PPFIA2: variants seen among roughly 807,000 people sequenced by gnomAD.
The protein encoded by PPFIA2 is liprin-alpha-2.
In PPFIA2, 46 loss-of-function variants were observed where a neutral mutation model predicts 175.5. The ratio of observed to expected loss-of-function variants is 0.26; its 90% CI spans 0.21 to 0.34. The LOEUF is 0.34. PPFIA2 is among the 10% of genes least tolerant of loss of function. PPFIA2 has a pLI of 1.00. For synonymous variants in PPFIA2, 568 were observed against 511.4 expected (o/e 1.11, Z -1.49); for missense variants, 1,179 against 1,506.1 (o/e 0.78, Z 3.60).
rs867121856 is a variant in PPFIA2 at position 81,642,717 on chromosome 12, T to A, written c.303+34074A>T. ...ACATACATGTATATGTATGTATGTA[T>A]TATATACATACATGTATATGTATGT... On this transcript the variant is annotated intron_variant, in intron 4 of 32. Transcript: ENST00000549396. Among the ~76,000 whole-genome samples, 138 of 89,974 alleles carry A rather than the reference T, an allele frequency of 1.5e-3. 44 individuals carry two copies. The highest frequency in any genetic ancestry group is 0.014 in the East Asian group (40 of 2,934). 59.0% of individuals were successfully genotyped at this position (89,974 alleles called of 152,430 possible). A position where few individuals can be genotyped will look rare whatever the true frequency, so the allele number is the denominator to read the frequency against.
At position 81,299,287 on chromosome 12, in the gene PPFIA2, T is replaced by G; in HGVS notation, c.2724+14A>C. On this transcript the variant is annotated intron_variant, in intron 23 of 32. Coordinates refer to ENST00000549396, the MANE Select transcript of PPFIA2 (RefSeq NM_003625.5). ...AGTGATTGATTCAAGGGCCTCCTAG[T>G]TTCATTCTCTTACCTCTAGCCATGC... 5.7e-6 allele frequency: 9 copies of G among 1,581,322 alleles called. No homozygotes were observed. Among genetic ancestry groups the G allele is most frequent in the Non-Finnish European group, 7.7e-6 (9 of 1,162,354 alleles).
chr12:81,598,217 A>C, intron 4 of PPFIA2: 1 of 1,363,622 alleles, frequency 7.3e-7, no homozygotes, highest in Non-Finnish European at 9.4e-7. Context: ...TCTTAGCTGA[A>C]AGATCATCAG....
At chr12:81,323,907 T>G (rs2054206397) in intron 22 of PPFIA2, among the ~76,000 whole-genome samples, 1 of 152,034 alleles carries the variant, frequency 6.6e-6, no homozygotes. Flanking sequence ...GGGAAATACT[T>G]TTGTGCTTTC....
intron 3 of PPFIA2, among the ~76,000 whole-genome samples, chr12:81,682,026 A>C (rs1939704819): frequency 6.6e-6 from 1 of 152,036 alleles, no homozygotes; most frequent in African/African-American, 2.4e-5. Flanking sequence ...ACATTATAAT[A>C]ATTGTCAATT....
intron 21 of PPFIA2, among the ~76,000 whole-genome samples, chr12:81,326,248 G>A (rs1318125338): frequency 1.3e-5 from 2 of 152,026 alleles, no homozygotes; most frequent in Admixed American, 1.3e-4. Context: ...TTTTCAACAC[G>A]TTAAGTATTT....
chr12:81,447,623 T>A (rs1374820761), intron 5 of PPFIA2, among the ~76,000 whole-genome samples: 1 of 152,226 alleles, frequency 6.6e-6, no homozygotes, highest in East Asian at 1.9e-4. Context: ...CAGAATATTT[T>A]ATGATATGCA....
chr12:81,514,922 G>C (rs1167195327), intron 4 of PPFIA2, among the ~76,000 whole-genome samples: 2 of 151,764 alleles, frequency 1.3e-5, no homozygotes, highest in African/African-American at 4.8e-5. Context: ...ATCTCTGGTG[G>C]ATTCTTAGAG....
intron 3 of PPFIA2, among the ~76,000 whole-genome samples, chr12:81,700,883 A>G (rs1361611101): frequency 6.6e-6 from 1 of 152,118 alleles, no homozygotes; most frequent in African/African-American, 2.4e-5. Context: ...TTTACTAAGA[A>G]TGCTCATAGT....
intron 7 of PPFIA2, among the ~76,000 whole-genome samples, chr12:81,437,190 A>G (rs944246452): frequency 2.0e-5 from 3 of 152,110 alleles, no homozygotes; most frequent in Non-Finnish European, 4.4e-5. Flanking sequence ...AATTTTATGT[A>G]TAATTGAAGT....
At chr12:81,609,662 G>A (rs2060689457) in intron 4 of PPFIA2, among the ~76,000 whole-genome samples, 1 of 152,078 alleles carries the variant, frequency 6.6e-6, no homozygotes, top group South Asian at 2.1e-4. Flanking sequence ...GAACCTGTGG[G>A]TGTTGTTACA....
intron 3 of PPFIA2, among the ~76,000 whole-genome samples, chr12:81,737,312 C>T (rs2081730568): frequency 6.6e-6 from 1 of 151,886 alleles, no homozygotes; most frequent in Non-Finnish European, 1.5e-5. Context: ...ATGAATCTTC[C>T]TCACTTGGAG....
intron 22 of PPFIA2, among the ~76,000 whole-genome samples, chr12:81,324,482 A>G (rs941052070): frequency 3.9e-5 from 6 of 152,036 alleles, no homozygotes; most frequent in African/African-American, 1.4e-4. Flanking sequence ...AACTGAGTCC[A>G]TTAGTCAGGC....
At chr12:81,358,868 A>G (rs764573722) in intron 15 of PPFIA2, among the ~76,000 whole-genome samples, 12 of 152,148 alleles carry the variant, frequency 7.9e-5, no homozygotes, top group Non-Finnish European at 1.8e-4. Flanking sequence ...AAGGATGAAG[A>G]AAAATCTTTT....
At chr12:81,421,163 C>T (rs1360743504) in intron 7 of PPFIA2, among the ~76,000 whole-genome samples, 1 of 151,968 alleles carries the variant, frequency 6.6e-6, no homozygotes, top group African/African-American at 2.4e-5. Flanking sequence ...AAAAGAAATG[C>T]ACAAGGAAGT....
intron 24 of PPFIA2, among the ~76,000 whole-genome samples, chr12:81,287,078 T>A (rs1018370589): frequency 6.6e-6 from 1 of 151,942 alleles, no homozygotes; most frequent in Non-Finnish European, 1.5e-5. Flanking sequence ...ACATTCCCTT[T>A]ACACTGAGTT....
chr12:81,556,297 T>C (rs186630788), intron 4 of PPFIA2, among the ~76,000 whole-genome samples: 2 of 152,092 alleles, frequency 1.3e-5, no homozygotes, highest in African/African-American at 2.4e-5. Context: ...GATGAATACA[T>C]AAAAGTTTAT....
At chr12:81,462,372 A>T (rs2054730769) in intron 4 of PPFIA2, among the ~76,000 whole-genome samples, 1 of 146,020 alleles carries the variant, frequency 6.8e-6, no homozygotes, top group Admixed American at 6.9e-5. Context: ...TAATTCTCTT[A>T]TCTCACTGAT....
At chr12:81,365,419 T>TA (rs2032866372) in intron 14 of PPFIA2, among the ~76,000 whole-genome samples, 1 of 151,836 alleles carries the variant, frequency 6.6e-6, no homozygotes, top group Non-Finnish European at 1.5e-5. Flanking sequence ...GCATGATTAG[T>TA]ACTCTTGGTT....
intron 4 of PPFIA2, among the ~76,000 whole-genome samples, chr12:81,530,646 G>T (rs1456554382): frequency 6.6e-6 from 1 of 151,782 alleles, no homozygotes; most frequent in East Asian, 1.9e-4. Context: ...ACAATCTCTA[G>T]TTGAAAAGTC....
Sources: gnomAD v4.1 joint callset for allele counts (sites outside exome capture counted in the v4.1 genomes callset) on GRCh38, gnomAD v4.1.1 for gene constraint, MANE v1.5 for transcripts, NCBI Gene and HGNC (gene_info 2026-07-23, HGNC 2026-07-21) for gene names.